Variants in STON2 observed in about 807,000 individuals in gnomAD.
STON2 encodes stonin-2.
STON2 carries 29 observed loss-of-function variants against 65.7 expected under a neutral mutation model. That is an observed-to-expected ratio of 0.44 (90% CI 0.33 to 0.60). The LOEUF is 0.60. Ranked by LOEUF, STON2 falls within the 20% of genes least tolerant of loss-of-function variation. The probability of loss-of-function intolerance (pLI) is 0.03; values close to 1 mark genes in which losing one functional copy is unlikely to be tolerated. For synonymous variants in STON2, 404 were observed against 414.2 expected (o/e 0.98, Z 0.30); for missense variants, 1,054 against 1,118.1 (o/e 0.94, Z 0.82).
intron 4 of STON2, among the ~76,000 whole-genome samples, chr14:81,355,610 G>T (rs1898195424): frequency 1.3e-5 from 2 of 152,196 alleles, no homozygotes. Flanking sequence ...GGAGTTCATT[G>T]CCAGTATGCC....
chr14:81,293,784 C>T (rs1895655881), intron 5 of STON2, among the ~76,000 whole-genome samples: 1 of 152,126 alleles, frequency 6.6e-6, no homozygotes, highest in South Asian at 2.1e-4. Context: ...AACTAGGCTA[C>T]TCATGGGACT....
chr14:81,385,892 C>T (rs982416599), intron 3 of STON2, among the ~76,000 whole-genome samples: 1 of 152,156 alleles, frequency 6.6e-6, no homozygotes, highest in African/African-American at 2.4e-5. Context: ...GCTGTGAAGA[C>T]ATTTGAAGCA....
At chr14:81,359,894 A>T (rs1898412933) in intron 4 of STON2, among the ~76,000 whole-genome samples, 1 of 152,110 alleles carries the variant, frequency 6.6e-6, no homozygotes, top group South Asian at 2.1e-4. Flanking sequence ...CAAACAAAAA[A>T]CTTCCATCAA....
intron 2 of STON2, among the ~76,000 whole-genome samples, chr14:81,405,457 ATTGT>A (rs1253551432): frequency 2.7e-5 from 1 of 37,444 alleles, no homozygotes; most frequent in Non-Finnish European, 4.8e-5. Context: ...ATTAGTTACT[ATTGT>A]TTTTTTTTTT....
At chr14:81,309,072 G>A (rs1359168681) in intron 5 of STON2, among the ~76,000 whole-genome samples, 1 of 118,610 alleles carries the variant, frequency 8.4e-6, no homozygotes, top group Non-Finnish European at 1.7e-5. Flanking sequence ...ATGGAAATAG[G>A]TTGTCAAAAT....
intron 3 of STON2, among the ~76,000 whole-genome samples, chr14:81,374,208 T>G (rs543579452): frequency 6.7e-6 from 1 of 149,506 alleles, no homozygotes; most frequent in East Asian, 2.0e-4. Context: ...TAGAGATGGG[T>G]TTCACCATGT....
At chr14:81,377,343 T>G (rs1462494194) in intron 3 of STON2, among the ~76,000 whole-genome samples, 4 of 152,246 alleles carry the variant, frequency 2.6e-5, no homozygotes, top group Non-Finnish European at 5.9e-5. Flanking sequence ...CATGTACCAG[T>G]AGTTCATTCC....
intron 5 of STON2, among the ~76,000 whole-genome samples, chr14:81,289,677 T>C (rs1895478807): frequency 6.6e-6 from 1 of 152,214 alleles, no homozygotes; most frequent in Non-Finnish European, 1.5e-5. Flanking sequence ...CTGGTTGTGT[T>C]GGCTCCAGGT....
chr14:81,415,176 G>A (rs1374668135), intron 2 of STON2, among the ~76,000 whole-genome samples: 4 of 152,090 alleles, frequency 2.6e-5, no homozygotes, highest in Admixed American at 6.5e-5. Context: ...CACTGTTCAT[G>A]ACAGTTCACT....
At chr14:81,273,436 A>G (rs1431709545) in intron 6 of STON2, among the ~76,000 whole-genome samples, 1 of 152,200 alleles carries the variant, frequency 6.6e-6, no homozygotes, top group African/African-American at 2.4e-5. Context: ...TGGTCTAATG[A>G]GAAGGGGGAT....
At chr14:81,326,965 G>C (rs1051289192) in intron 4 of STON2, among the ~76,000 whole-genome samples, 1 of 152,122 alleles carries the variant, frequency 6.6e-6, no homozygotes, top group Non-Finnish European at 1.5e-5. Context: ...CCTAAGTAAG[G>C]AAGCCAACAT....
chr14:81,360,329 C>T (rs567801660), intron 4 of STON2, among the ~76,000 whole-genome samples: 17 of 152,152 alleles, frequency 1.1e-4, no homozygotes, highest in African/African-American at 3.9e-4. Flanking sequence ...AATCATTCAC[C>T]TATAATTAAG....
At chr14:81,431,408 C>T (rs1338973392) in intron 1 of STON2, among the ~76,000 whole-genome samples, 1 of 152,154 alleles carries the variant, frequency 6.6e-6, no homozygotes, top group Non-Finnish European at 1.5e-5. Flanking sequence ...GAGGCTGAAG[C>T]AGGCGGATCA....
chr14:81,383,668 CCT>C (rs1899646579), intron 3 of STON2, among the ~76,000 whole-genome samples: 1 of 152,144 alleles, frequency 6.6e-6, no homozygotes, highest in African/African-American at 2.4e-5. Context: ...AAGCCACAAT[CCT>C]CTCTTGCCTG....
rs1894384043 is a variant in STON2 at position 81,267,049 on chromosome 14, C to G, written c.*1365G>C. 4.1e-6 allele frequency: 4 copies of G among 985,306 alleles called. No homozygotes were observed. In the African/African-American group the frequency reaches 7.0e-5, roughly 17 times the overall value. The allele number at this position is 985,306 out of a possible 1,614,324, so 61.0% of individuals were successfully genotyped here. ...AATACATTAATCTTGAATCCATCAG[C>G]CAAAAACTGGAGATATTTTTCATTT... On this transcript the variant is annotated 3_prime_UTR_variant, in exon 8 of 8. Transcript: ENST00000614646.
chr14:81,313,835 ACACACT>A (rs2140222078), intron 5 of STON2, among the ~76,000 whole-genome samples: 1 of 146,468 alleles, frequency 6.8e-6, no homozygotes, highest in South Asian at 2.1e-4. Context: ...ACACACACAC[ACACACT>A]AATGAAACAG....
intron 3 of STON2, among the ~76,000 whole-genome samples, chr14:81,373,999 CTTTTTTTTTTTT>C (rs57877137): frequency 3.6e-3 from 219 of 60,476 alleles, no homozygotes; most frequent in African/African-American, 0.017. Flanking sequence ...ATAATAATGC[CTTTTTTTTTTTT>C]TTTTTTTTTT....
chr14:81,375,707 T>C (rs1291948927), intron 3 of STON2, among the ~76,000 whole-genome samples: 1 of 151,806 alleles, frequency 6.6e-6, no homozygotes, highest in Non-Finnish European at 1.5e-5. Context: ...TCATAGAACA[T>C]TACACTCAAC....
intron 3 of STON2, among the ~76,000 whole-genome samples, chr14:81,384,237 A>T (rs970489022): frequency 2.7e-5 from 4 of 147,266 alleles, no homozygotes; most frequent in South Asian, 2.1e-4. Context: ...TATTATTTTT[A>T]TTTATTTATT....
Sources: gnomAD v4.1 joint callset for allele counts (sites outside exome capture counted in the v4.1 genomes callset) on GRCh38, gnomAD v4.1.1 for gene constraint, MANE v1.5 for transcripts, NCBI Gene and HGNC (gene_info 2026-07-23, HGNC 2026-07-21) for gene names.